Variants in LARGE1 observed in about 807,000 individuals in gnomAD.
LARGE1 encodes the protein xylosyl- and glucuronyltransferase LARGE1.
Under a neutral mutation model 87.6 loss-of-function variants are expected in LARGE1, and 43 were observed. That is an observed-to-expected ratio of 0.49 (90% CI 0.38 to 0.63). The LOEUF (loss-of-function observed/expected upper bound fraction) is 0.63, where lower values mean the gene tolerates loss of function less well. LARGE1 is among the 30% of genes least tolerant of loss of function. LARGE1 has a pLI of 0.00. For missense variants in LARGE1, 802 were observed against 1,000.2 expected (o/e 0.80, Z 2.67); for synonymous variants, 434 against 394.6 (o/e 1.10, Z -1.18).
intron 11 of LARGE1, among the ~76,000 whole-genome samples, chr22:33,178,953 G>A (rs960995947): frequency 1.3e-5 from 2 of 152,168 alleles, no homozygotes; most frequent in Admixed American, 6.5e-5. Context: ...AATTCCAAGA[G>A]CATGATACCA....
At position 33,272,834 on chromosome 22, in the gene LARGE1, T is replaced by C. The variant is rs1928417051; in HGVS notation, c.*1593A>G. On this transcript the variant is annotated 3_prime_UTR_variant, in exon 15 of 15. Coordinates refer to ENST00000397394, the MANE Select transcript of LARGE1 (RefSeq NM_133642.5). ...ATTTACCCTCCTAGCCCACATCTGG[T>C]AGAAGACAACATCTGGCTCCAGTGT... is the stretch of plus-strand genomic sequence containing the variant. The C allele has an allele frequency of 6.6e-6, 1 of 152,186 alleles. No individual in the cohort carries two copies. The highest frequency in any genetic ancestry group is 2.1e-4 in the South Asian group (1 of 4,832). 9.4% of individuals were successfully genotyped at this position (152,186 alleles called of 1,614,324 possible). A position where few individuals can be genotyped will look rare whatever the true frequency, so the allele number is the denominator to read the frequency against.
At chr22:33,341,196 G>A (rs1939107881) in intron 9 of LARGE1, among the ~76,000 whole-genome samples, 1 of 152,054 alleles carries the variant, frequency 6.6e-6, no homozygotes. Flanking sequence ...ACACCCCAAA[G>A]TGCTCCCTTG....
intron 11 of LARGE1, among the ~76,000 whole-genome samples, chr22:33,309,812 G>C (rs1245502204): frequency 2.0e-5 from 3 of 152,138 alleles, no homozygotes; most frequent in Non-Finnish European, 4.4e-5. Flanking sequence ...GTGCAGCACA[G>C]GACGGTGAGG....
chr22:33,774,724 A>AT (rs2085180826), intron 1 of LARGE1, among the ~76,000 whole-genome samples: 1 of 152,184 alleles, frequency 6.6e-6, no homozygotes, highest in East Asian at 1.9e-4. Flanking sequence ...ACATGTAATC[A>AT]ATATAAAGCA....
At chr22:33,835,699 T>C (rs1427315680) in intron 1 of LARGE1, among the ~76,000 whole-genome samples, 1 of 152,174 alleles carries the variant, frequency 6.6e-6, no homozygotes, top group African/African-American at 2.4e-5. Context: ...CATGGATAAA[T>C]GTCCAAATTC....
In LARGE1 at chr22:33,788,620, T is replaced by C. The variant is rs143732606; in HGVS notation, c.-82-27062A>G. ...ATGGACAATGAAGTCCAGGTTAAGG[T>C]GGTCTCAGATGGAGATAAGAAACTT... is the stretch of plus-strand genomic sequence containing the variant. On this transcript the variant is annotated intron_variant, in intron 1 of 14. Transcript: ENST00000397394. Among the ~76,000 whole-genome samples, 816 of 152,218 alleles carry C rather than the reference T, an allele frequency of 5.4e-3. 6 individuals are homozygous for C. The highest frequency in any genetic ancestry group is 0.019 in the African/African-American group (776 of 41,536).
chr22:33,764,079 A>G (rs1457160877), intron 1 of LARGE1, among the ~76,000 whole-genome samples: 2 of 151,620 alleles, frequency 1.3e-5, no homozygotes, highest in Non-Finnish European at 2.9e-5. Context: ...CAATCTCTCG[A>G]CCTTGTGATC....
intron 11 of LARGE1, among the ~76,000 whole-genome samples, chr22:33,249,307 C>A (rs1926910173): frequency 6.6e-6 from 1 of 152,138 alleles, no homozygotes. Context: ...TGTAGAGCAA[C>A]TTTTTATATG....
chr22:33,691,431 G>A (rs961547960), intron 2 of LARGE1, among the ~76,000 whole-genome samples: 5 of 152,206 alleles, frequency 3.3e-5, no homozygotes, highest in Admixed American at 6.5e-5. Context: ...GAATAAGCAC[G>A]GCAGAGGATC....
At chr22:33,461,468 C>A (rs892302029) in intron 6 of LARGE1, among the ~76,000 whole-genome samples, 10 of 151,678 alleles carry the variant, frequency 6.6e-5, no homozygotes, top group African/African-American at 2.4e-4. Flanking sequence ...ATGTTATGAC[C>A]TTTGGACACA....
At chr22:33,755,707 C>G (rs534225462) in intron 2 of LARGE1, among the ~76,000 whole-genome samples, 1 of 152,206 alleles carries the variant, frequency 6.6e-6, no homozygotes, top group Non-Finnish European at 1.5e-5. Flanking sequence ...ATGCTCACAG[C>G]ACCAAGAGCC....
chr22:33,433,954 T>C (rs149587050), intron 6 of LARGE1, among the ~76,000 whole-genome samples: 10 of 152,246 alleles, frequency 6.6e-5, no homozygotes, highest in Middle Eastern at 3.4e-3. Context: ...CGGGCACAAA[T>C]ACATAAATCA....
intron 10 of LARGE1, among the ~76,000 whole-genome samples, chr22:33,336,849 CAGGAG>C (rs1452808893): frequency 4.6e-5 from 7 of 151,994 alleles, no homozygotes; most frequent in Non-Finnish European, 1.0e-4. Flanking sequence ...ATCACGAGGT[CAGGAG>C]ATCGAGACCA....
chr22:33,388,857 C>A (rs1345517576), intron 7 of LARGE1, among the ~76,000 whole-genome samples: 1 of 152,082 alleles, frequency 6.6e-6, no homozygotes, highest in East Asian at 1.9e-4. Context: ...GTGTGAGCCA[C>A]CACGCCTGGC....
the LARGE1 span, among the ~76,000 whole-genome samples, chr22:33,129,578 C>T: frequency 1.3e-5 from 2 of 152,080 alleles, no homozygotes; most frequent in Admixed American, 6.6e-5. Flanking sequence ...TAAAAGTCAT[C>T]GGTGTTAGTC....
At chr22:33,079,808 C>T in the LARGE1 span, among the ~76,000 whole-genome samples, 3 of 152,048 alleles carry the variant, frequency 2.0e-5, no homozygotes, top group African/African-American at 7.2e-5. Context: ...TTACTCTGAG[C>T]CCCCAAGAAA....
At chr22:33,899,560 T>C (rs1354333270) in intron 1 of LARGE1, among the ~76,000 whole-genome samples, 2 of 152,196 alleles carry the variant, frequency 1.3e-5, no homozygotes, top group African/African-American at 4.8e-5. Flanking sequence ...CTGCTCACAA[T>C]GAACCAAGCC....
chr22:33,776,116 G>A (rs187598722), intron 1 of LARGE1, among the ~76,000 whole-genome samples: 221 of 152,278 alleles, frequency 1.5e-3, no homozygotes, highest in Non-Finnish European at 2.7e-3. Context: ...ATTCACTGTG[G>A]TCATCTTTAT....
chr22:33,164,871 T>A (rs1272735724), exon 12 of LARGE1: 1 of 151,390 alleles, frequency 6.6e-6, no homozygotes. Flanking sequence ...CAAGCACAGG[T>A]AAGCACATAG....
Sources: allele counts gnomAD v4.1 joint callset (sites outside exome capture counted in the v4.1 genomes callset), GRCh38; gene constraint gnomAD v4.1.1; transcripts MANE v1.5; gene names NCBI Gene and HGNC (gene_info 2026-07-23, HGNC 2026-07-21).